Variants in TMEM200A observed in about 807,000 individuals in gnomAD.
TMEM200A encodes transmembrane protein 200A, also known as two transmembrane C.
TMEM200A carries 12 observed loss-of-function variants against 24.3 expected under a neutral mutation model. That is an observed-to-expected ratio of 0.49 (90% CI 0.32 to 0.80). The LOEUF (loss-of-function observed/expected upper bound fraction) is 0.80. Among genes scored for constraint, TMEM200A ranks in the 30% least tolerant of loss-of-function variants. The probability of loss-of-function intolerance (pLI) is 0.04; values close to 1 mark genes in which losing one functional copy is unlikely to be tolerated. For missense variants in TMEM200A, 545 were observed against 614.4 expected, an observed-to-expected ratio of 0.89 and a Z score of 1.19; for synonymous variants, 224 against 224.4, an observed-to-expected ratio of 1.00 and a Z score of 0.02.
intron 2 of TMEM200A, among the ~76,000 whole-genome samples, chr6:130,429,968 T>C (rs1056054469): frequency 3.3e-5 from 5 of 152,144 alleles, no homozygotes; most frequent in African/African-American, 4.8e-5. Flanking sequence ...CATGCTTACA[T>C]TGGGGAAGGA....
rs1267326369 is a variant in TMEM200A at position 130,370,257 on chromosome 6, C to A, written c.-81+3733C>A. Among the ~76,000 whole-genome samples, 4 of 152,222 alleles carry A rather than the reference C, an allele frequency of 2.6e-5. No homozygotes were observed. The East Asian group carries it at 7.7e-4, about 29-fold the overall frequency. On this transcript the variant is annotated intron_variant, in intron 1 of 2. Coordinates refer to ENST00000296978, the MANE Select transcript of TMEM200A (RefSeq NM_001258277.2). The stretch of plus-strand genomic sequence containing the variant: ...AAAGAGGTCCTTTCTCTTCCAGGTC[C>A]CATTTTTATAAATCTCCTTGAAGGG...
At chr6:130,408,873 G>T (rs1448894200) in intron 2 of TMEM200A, among the ~76,000 whole-genome samples, 1 of 152,080 alleles carries the variant, frequency 6.6e-6, no homozygotes, top group Admixed American at 6.6e-5. Flanking sequence ...CCTGCCATAG[G>T]AGTAGTTGGC....
intron 2 of TMEM200A, among the ~76,000 whole-genome samples, chr6:130,434,326 A>T (rs1779948807): frequency 6.6e-6 from 1 of 152,226 alleles, no homozygotes; most frequent in Non-Finnish European, 1.5e-5. Flanking sequence ...TCTGTCTGCT[A>T]ATTCAGTGTT....
chr6:130,431,872 C>T (rs1390066452), intron 2 of TMEM200A, among the ~76,000 whole-genome samples: 2 of 152,164 alleles, frequency 1.3e-5, no homozygotes, highest in Non-Finnish European at 2.9e-5. Flanking sequence ...GCGTTTTCTG[C>T]AGGCTCAAGA....
At chr6:130,402,227 TA>T in intron 2 of TMEM200A, among the ~76,000 whole-genome samples, 1 of 151,884 alleles carries the variant, frequency 6.6e-6, no homozygotes, top group South Asian at 2.1e-4. Context: ...AAAAAAGACA[TA>T]AAAATGATGA....
intron 1 of TMEM200A, chr6:130,381,959 C>G (rs1778607888): frequency 1.0e-6 from 1 of 985,310 alleles, no homozygotes. Flanking sequence ...ACACTGCCAT[C>G]TGGCTGCCTT....
At chr6:130,401,864 A>G (rs1227835984) in intron 2 of TMEM200A, among the ~76,000 whole-genome samples, 1 of 151,362 alleles carries the variant, frequency 6.6e-6, no homozygotes, top group Non-Finnish European at 1.5e-5. Flanking sequence ...AGCTTTTTTC[A>G]GTTTTTCTCT....
At chr6:130,365,977 T>TAGGC (rs1326423312), upstream of TMEM200A, 19 of 984,242 alleles carry the variant, frequency 1.9e-5, no homozygotes, top group Non-Finnish European at 2.2e-5. Flanking sequence ...CCAACCCGCC[T>TAGGC]CTTCGGGGCT....
chr6:130,417,930 C>G (rs1264380367), intron 2 of TMEM200A, among the ~76,000 whole-genome samples: 1 of 152,166 alleles, frequency 6.6e-6, no homozygotes, highest in Admixed American at 6.5e-5. Context: ...TGCACACATC[C>G]ATAAGCCTGT....
At chr6:130,431,806 G>A (rs1463137624) in intron 2 of TMEM200A, among the ~76,000 whole-genome samples, 1 of 152,106 alleles carries the variant, frequency 6.6e-6, no homozygotes, top group African/African-American at 2.4e-5. Context: ...AGGTTTTGAA[G>A]GCATTACTAA....
intron 2 of TMEM200A, among the ~76,000 whole-genome samples, chr6:130,421,897 G>A (rs1288318870): frequency 1.3e-5 from 2 of 152,076 alleles, no homozygotes; most frequent in African/African-American, 4.8e-5. Flanking sequence ...ATGTTTTATT[G>A]TGTGGGTGTG....
intron 2 of TMEM200A, among the ~76,000 whole-genome samples, chr6:130,410,906 C>A (rs950233234): frequency 2.6e-5 from 4 of 152,150 alleles, no homozygotes; most frequent in African/African-American, 9.7e-5. Context: ...CAGTGGCTCA[C>A]GCCTATAATC....
chr6:130,429,396 C>T (rs1779822800), intron 2 of TMEM200A, among the ~76,000 whole-genome samples: 1 of 152,126 alleles, frequency 6.6e-6, no homozygotes, highest in Non-Finnish European at 1.5e-5. Context: ...GTGTCATGCG[C>T]CTGTAATCCC....
intron 2 of TMEM200A, among the ~76,000 whole-genome samples, chr6:130,395,305 A>T (rs546073689): frequency 2.9e-4 from 44 of 152,270 alleles, no homozygotes; most frequent in Non-Finnish European, 1.5e-5. Context: ...CCCAAGTGGG[A>T]TGGAACCCTT....
At chr6:130,412,423 C>A (rs1053724349) in intron 2 of TMEM200A, among the ~76,000 whole-genome samples, 6 of 152,110 alleles carry the variant, frequency 3.9e-5, no homozygotes, top group Admixed American at 1.3e-4. Context: ...ATCCACCTTG[C>A]CCCTCCCACA....
At chr6:130,393,457 A>G (rs1778882549) in intron 2 of TMEM200A, among the ~76,000 whole-genome samples, 1 of 152,196 alleles carries the variant, frequency 6.6e-6, no homozygotes, top group Non-Finnish European at 1.5e-5. Flanking sequence ...CAGTTAAAAT[A>G]TCAGAGGTGG....
At chr6:130,428,148 A>G (rs1241846387) in intron 2 of TMEM200A, among the ~76,000 whole-genome samples, 1 of 152,120 alleles carries the variant, frequency 6.6e-6, no homozygotes, top group East Asian at 1.9e-4. Flanking sequence ...GCAATTAATC[A>G]TTCTTCTCAA....
At chr6:130,402,153 A>G (rs1224609823) in intron 2 of TMEM200A, among the ~76,000 whole-genome samples, 3 of 151,882 alleles carry the variant, frequency 2.0e-5, no homozygotes, top group Non-Finnish European at 4.4e-5. Context: ...AATTGCTTTT[A>G]TGGGAGAAAT....
chr6:130,418,105 C>A (rs1296630313), intron 2 of TMEM200A, among the ~76,000 whole-genome samples: 1 of 152,036 alleles, frequency 6.6e-6, no homozygotes, highest in Non-Finnish European at 1.5e-5. Flanking sequence ...CACCTCTTGG[C>A]ATGATTATGC....
Sources: allele counts gnomAD v4.1 joint callset (sites outside exome capture counted in the v4.1 genomes callset), GRCh38; gene constraint gnomAD v4.1.1; transcripts MANE v1.5; gene names NCBI Gene and HGNC (gene_info 2026-07-23, HGNC 2026-07-21).